The following SLC39A8 variants were observed in gnomAD, a reference collection of about 807,000 sequenced individuals.
SLC39A8 encodes the protein metal cation symporter ZIP8.
SLC39A8 carries 15 observed loss-of-function variants against 40.4 expected under a neutral mutation model. That is an observed-to-expected ratio of 0.37 (90% CI 0.25 to 0.57). SLC39A8 has a LOEUF of 0.57. Among genes scored for constraint, SLC39A8 ranks in the 20% least tolerant of loss-of-function variants. SLC39A8 has a pLI of 0.75. For missense variants in SLC39A8, 472 were observed against 558.8 expected (o/e 0.84, Z 1.57); for synonymous variants, 223 against 221.6 (o/e 1.01, Z -0.06).
chr4:102,256,094 C>G (rs560420403), intron 11 of SLC39A8, among the ~76,000 whole-genome samples: 1 of 152,314 alleles, frequency 6.6e-6, no homozygotes, highest in Admixed American at 6.5e-5. Flanking sequence ...TTTCCCAGTT[C>G]ATTAACAAGC....
chr4:102,343,395 T>C (rs974943426), intron 2 of SLC39A8, among the ~76,000 whole-genome samples: 6 of 152,228 alleles, frequency 3.9e-5, no homozygotes, highest in Non-Finnish European at 5.9e-5. Flanking sequence ...GAGCAGAGTA[T>C]AATATGCAGC....
In SLC39A8 at chr4:102,344,468, C is replaced by A. The variant is rs371703164; in HGVS notation, c.195G>T (p.Glu65Asp). 33 of 1,544,812 alleles carry A rather than the reference C, an allele frequency of 2.1e-5. No individual in the cohort carries two copies. The highest frequency in any genetic ancestry group is 2.7e-5 in the Non-Finnish European group (31 of 1,144,792). Residue 65 changes from glutamate to aspartate, a missense_variant, in exon 2 of 9, where the codon GAG becomes GAT. Physicochemically the swap from Glu to Asp is conservative, Grantham distance 45 (BLOSUM62 2). Transcript: ENST00000356736. ...CCTGGTTGAAGTGCAGCTGGCCAGG[C>A]TCCGGGACGCCCACGCGGGAGGCGG... Reference protein sequence around the residue: ...MGAASRVGVPEPGQLHFNQCL... With the variant: ...MGAASRVGVPDPGQLHFNQCL...
chr4:102,259,918 G>A (rs1309528044), downstream of SLC39A8, among the ~76,000 whole-genome samples: 1 of 152,192 alleles, frequency 6.6e-6, no homozygotes, highest in African/African-American at 2.4e-5. Context: ...AAAGATCAAA[G>A]TCCATAGAAA....
At chr4:102,310,245 A>T (rs1734373871) in intron 3 of SLC39A8, among the ~76,000 whole-genome samples, 1 of 151,838 alleles carries the variant, frequency 6.6e-6, no homozygotes, top group Non-Finnish European at 1.5e-5. Flanking sequence ...CAACACAAAG[A>T]TCTCCTCTAT....
chr4:102,267,822 C>A, intron 7 of SLC39A8, 50 bp downstream of exon 7: 1 of 1,592,808 alleles, frequency 6.3e-7, no homozygotes, highest in Non-Finnish European at 8.6e-7. Context: ...TCTCATTCCA[C>A]TGAAATCAAG....
intron 2 of SLC39A8, among the ~76,000 whole-genome samples, chr4:102,343,004 A>G (rs1736010681): frequency 6.6e-6 from 1 of 152,228 alleles, no homozygotes; most frequent in Admixed American, 6.5e-5. Flanking sequence ...TTGATAAGAA[A>G]AGAATGCAAC....
At chr4:102,326,713 T>A (rs1735217142) in intron 2 of SLC39A8, among the ~76,000 whole-genome samples, 1 of 152,198 alleles carries the variant, frequency 6.6e-6, no homozygotes. Context: ...TTCTCAATAA[T>A]TTTTAAGAGT....
chr4:102,291,412 T>G (rs947169913), intron 6 of SLC39A8, among the ~76,000 whole-genome samples: 1 of 152,016 alleles, frequency 6.6e-6, no homozygotes, highest in Non-Finnish European at 1.5e-5. Context: ...CCATGGCAGA[T>G]CTTCCCAATC....
At chr4:102,304,294 G>A in intron 6 of SLC39A8, 23 bp downstream of exon 6, 2 of 1,587,198 alleles carry the variant, frequency 1.3e-6, no homozygotes, top group South Asian at 1.1e-5. Flanking sequence ...GTATAATGAA[G>A]GAAAAATGGA....
intron 4 of SLC39A8, among the ~76,000 whole-genome samples, chr4:102,306,199 A>G (rs1256163228): frequency 1.3e-5 from 2 of 151,972 alleles, no homozygotes. Flanking sequence ...AACATCATCA[A>G]TGTAGAGTCT....
chr4:102,310,279 G>A (rs1734376230), intron 3 of SLC39A8, among the ~76,000 whole-genome samples: 1 of 152,086 alleles, frequency 6.6e-6, no homozygotes, highest in Non-Finnish European at 1.5e-5. Context: ...TCTCCAGGCA[G>A]TACTCCCTGG....
At chr4:102,308,176 C>T (rs1458225973) in intron 3 of SLC39A8, among the ~76,000 whole-genome samples, 1 of 151,992 alleles carries the variant, frequency 6.6e-6, no homozygotes, top group African/African-American at 2.4e-5. Context: ...AGCAGCACCT[C>T]AGGTCCCCAG....
intron 3 of SLC39A8, 81 bp from the exon 4 acceptor site, chr4:102,307,686 AGTGT>A: frequency 7.1e-7 from 1 of 1,405,564 alleles, no homozygotes; most frequent in Non-Finnish European, 9.8e-7. Context: ...TAAGCTTAAA[AGTGT>A]CTTTAAAAGC....
rs1357411583 is a variant in SLC39A8 at position 102,310,019 on chromosome 4, A to G, written c.383-2414T>C. Among the ~76,000 whole-genome samples the G allele has an allele frequency of 2.6e-5, 4 of 152,012 alleles. No homozygotes were observed. The East Asian group carries it at 7.7e-4, about 29-fold the overall frequency. On this transcript the variant is annotated intron_variant, in intron 3 of 8. Coordinates refer to ENST00000356736, the MANE Select transcript of SLC39A8 (RefSeq NM_001135146.2). ...GACATGGCCTACAGACTTATACTAAATCACAAAAGTGATCATCTCATGCCC... is the reference window on the plus strand; with the variant it reads ...GACATGGCCTACAGACTTATACTAAGTCACAAAAGTGATCATCTCATGCCC...
At chr4:102,273,501 G>C (rs1459942725) in intron 6 of SLC39A8, among the ~76,000 whole-genome samples, 2 of 152,204 alleles carry the variant, frequency 1.3e-5, no homozygotes, top group Non-Finnish European at 2.9e-5. Context: ...CCACGGGAAG[G>C]GGTAGCTGTG....
downstream of SLC39A8, among the ~76,000 whole-genome samples, chr4:102,258,414 C>A (rs181324629): frequency 4.1e-3 from 631 of 152,244 alleles, 8 homozygotes; most frequent in African/African-American, 0.014. Context: ...TGGGGTGGCA[C>A]AATGGCTGTT....
downstream of SLC39A8, among the ~76,000 whole-genome samples, chr4:102,257,354 A>G (rs1731731303): frequency 6.6e-6 from 1 of 152,084 alleles, no homozygotes. Context: ...TCATTTTTCT[A>G]GTAATTTCTT....
chr4:102,305,808 CAGACA>C (rs1201186711), intron 4 of SLC39A8, among the ~76,000 whole-genome samples: 1 of 151,944 alleles, frequency 6.6e-6, no homozygotes, highest in Non-Finnish European at 1.5e-5. Flanking sequence ...ATGTTCCTAA[CAGACA>C]AGACACATAA....
rs149287806 is a variant in SLC39A8, at chr4:102,253,483, T to C, written c.*299-53A>G. On this transcript the variant is annotated intron_variant and NMD_transcript_variant, in intron 11 of 11. Transcript: ENST00000424970. ...AAAGTTTTAAGCATGTGAGTTACCA[T>C]GTTTCCGTAATCTTTCAGTCCTCTA... 3.9e-4 allele frequency: 273 copies of C among 696,098 alleles called. 1 individual carries two copies. In the African/African-American group the frequency reaches 4.2e-3, roughly 11 times the overall value. 43.1% of individuals were successfully genotyped at this position (696,098 alleles called of 1,614,324 possible).
Sources: gnomAD v4.1 joint callset for allele counts (sites outside exome capture counted in the v4.1 genomes callset) on GRCh38, gnomAD v4.1.1 for gene constraint, MANE v1.5 for transcripts, NCBI Gene and HGNC (gene_info 2026-07-23, HGNC 2026-07-21) for gene names.